The following MYO10 variants were observed in gnomAD, a reference collection of about 807,000 sequenced individuals.
MYO10 encodes the protein myosin X.
A neutral mutation model predicts 257.3 loss-of-function variants in MYO10; 133 were observed. That is an observed-to-expected ratio of 0.52 (90% CI 0.45 to 0.60). MYO10 has a LOEUF of 0.60. Ranked by LOEUF, MYO10 falls within the 20% of genes least tolerant of loss-of-function variation. The probability of loss-of-function intolerance (pLI) is 0.00; values close to 1 mark genes in which losing one functional copy is unlikely to be tolerated. For missense variants in MYO10, 2,399 were observed against 2,635.7 expected (o/e 0.91, Z 1.97); for synonymous variants, 1,104 against 1,028.6 (o/e 1.07, Z -1.40).
At chr5:16,755,003 C>A (rs533555785) in intron 18 of MYO10, 95 bp from the exon 19 acceptor site, 3 of 741,734 alleles carry the variant, frequency 4.0e-6, no homozygotes, top group Admixed American at 2.9e-5. Context: ...ATTTAAAAAA[C>A]ACAATATAAA....
intron 29 of MYO10, 122 bp downstream of exon 29, chr5:16,685,616 T>C (rs1579822580): frequency 1.4e-6 from 1 of 722,210 alleles, no homozygotes; most frequent in Non-Finnish European, 2.3e-6. Context: ...AATTATTCTA[T>C]ATTTACCTTT....
chr5:16,810,058 C>G (rs1469385276), intron 3 of MYO10, among the ~76,000 whole-genome samples: 6 of 152,134 alleles, frequency 3.9e-5, no homozygotes, highest in Admixed American at 3.9e-4. Flanking sequence ...CGCCTCGGAA[C>G]CTGGCAGCCC....
chr5:16,864,581 C>T (rs1406769720), intron 2 of MYO10, among the ~76,000 whole-genome samples: 3 of 152,178 alleles, frequency 2.0e-5, no homozygotes, highest in South Asian at 4.1e-4. Context: ...GAACCAGGTT[C>T]CCAGGAGAAA....
chr5:16,711,335 T>C, intron 19 of MYO10, 90 bp from the exon 20 acceptor site: 5 of 1,351,560 alleles, frequency 3.7e-6, no homozygotes, highest in Non-Finnish European at 5.1e-6. Flanking sequence ...CATCATTGGT[T>C]TACCCCGCTT....
At chr5:16,831,177 T>A (rs1301805759) in intron 2 of MYO10, among the ~76,000 whole-genome samples, 1 of 152,084 alleles carries the variant, frequency 6.6e-6, no homozygotes, top group Non-Finnish European at 1.5e-5. Flanking sequence ...TGACACCACC[T>A]TACTCCTGCA....
chr5:16,761,950 C>T, intron 16 of MYO10, 95 bp downstream of exon 16: 2 of 1,300,286 alleles, frequency 1.5e-6, no homozygotes, highest in Non-Finnish European at 2.1e-6. Flanking sequence ...AGCCACCATG[C>T]CCAGCCCAAT....
At chr5:16,894,351 T>G (rs570563733) in intron 1 of MYO10, among the ~76,000 whole-genome samples, 1 of 152,312 alleles carries the variant, frequency 6.6e-6, no homozygotes, top group Non-Finnish European at 1.5e-5. Flanking sequence ...TTTTTTTTCC[T>G]GGCTAGACCG....
chr5:16,670,457 C>T (rs1736393587), intron 39 of MYO10, 69 bp downstream of exon 39: 2 of 1,383,202 alleles, frequency 1.4e-6, no homozygotes, highest in Non-Finnish European at 2.0e-6. Context: ...TCCACATGAA[C>T]TTGGCCGTGA....
intron 2 of MYO10, among the ~76,000 whole-genome samples, chr5:16,822,545 C>T (rs549252728): frequency 6.6e-6 from 1 of 152,012 alleles, no homozygotes; most frequent in East Asian, 1.9e-4. Flanking sequence ...TCAGGGGCAG[C>T]CTGATGGATT....
At chr5:16,894,450 C>T (rs957954623) in intron 1 of MYO10, among the ~76,000 whole-genome samples, 4 of 152,110 alleles carry the variant, frequency 2.6e-5, no homozygotes, top group Admixed American at 2.0e-4. Context: ...AGCCATGTGG[C>T]CTTGGACAAA....
At chr5:16,702,242 T>G (rs542950798) in intron 24 of MYO10, among the ~76,000 whole-genome samples, 1 of 152,276 alleles carries the variant, frequency 6.6e-6, no homozygotes, top group East Asian at 1.9e-4. Context: ...TGGGAGAAAA[T>G]CAGTTTCCAC....
intron 1 of MYO10, among the ~76,000 whole-genome samples, chr5:16,892,143 G>C (rs1745077745): frequency 6.6e-6 from 1 of 152,164 alleles, no homozygotes; most frequent in African/African-American, 2.4e-5. Flanking sequence ...GAGAGGCAGG[G>C]CTGCTGGAAG....
At chr5:16,672,111 A>G (rs1166495040) in intron 37 of MYO10, among the ~76,000 whole-genome samples, 1 of 152,122 alleles carries the variant, frequency 6.6e-6, no homozygotes, top group Non-Finnish European at 1.5e-5. Context: ...CCTGACCAAC[A>G]TGGCCAAACC....
rs140380374 is a variant in MYO10 at position 16,884,174 on chromosome 5, C to T, written c.22-6467G>A. Among the ~76,000 whole-genome samples, 447 of 152,238 alleles carry T rather than the reference C, an allele frequency of 2.9e-3. 2 individuals carry two copies. The highest frequency in any genetic ancestry group is 0.01 in the African/African-American group (435 of 41,538). ...GGGAGACCGAGGCAGGCGGATTACC[C>T]GAGCCCAAAAGTTTGAGACCAGCCT... is the stretch of plus-strand genomic sequence containing the variant. On this transcript the variant is annotated intron_variant, in intron 1 of 40. Transcript: ENST00000513610.
chr5:16,801,483 A>G (rs981039439), intron 3 of MYO10, among the ~76,000 whole-genome samples: 4 of 152,128 alleles, frequency 2.6e-5, no homozygotes, highest in Non-Finnish European at 5.9e-5. Flanking sequence ...AAGTGCTGGC[A>G]TTACAGGCAT....
intron 40 of MYO10, 77 bp downstream of exon 40, chr5:16,668,200 G>A (rs557848055): frequency 7.0e-7 from 1 of 1,425,804 alleles, no homozygotes; most frequent in Admixed American, 2.2e-5. Flanking sequence ...CCTGGTCAAA[G>A]GCATGAGGAA....
chr5:16,775,056 A>T (rs545041110), intron 9 of MYO10, among the ~76,000 whole-genome samples: 1 of 152,342 alleles, frequency 6.6e-6, no homozygotes, highest in East Asian at 1.9e-4. Flanking sequence ...CACTCAGCAA[A>T]GACTCCTGTT....
intron 1 of MYO10, among the ~76,000 whole-genome samples, chr5:16,921,847 C>A (rs1257635285): frequency 6.6e-6 from 1 of 152,014 alleles, no homozygotes; most frequent in African/African-American, 2.4e-5. Context: ...AGGGAGGCTG[C>A]TCAGAATCCT....
chr5:16,749,411 C>T (rs184736706), intron 19 of MYO10, among the ~76,000 whole-genome samples: 4 of 150,790 alleles, frequency 2.7e-5, no homozygotes, highest in South Asian at 2.1e-4. Context: ...CGCTTGAACC[C>T]GGGAGGTGGA....
Sources: allele counts gnomAD v4.1 joint callset (sites outside exome capture counted in the v4.1 genomes callset), GRCh38; gene constraint gnomAD v4.1.1; transcripts MANE v1.5; gene names NCBI Gene and HGNC (gene_info 2026-07-23, HGNC 2026-07-21).